The following KLHL8 variants were observed in gnomAD, a reference collection of about 807,000 sequenced individuals.
The protein encoded by KLHL8 is kelch-like protein 8.
A neutral mutation model predicts 63.5 loss-of-function variants in KLHL8; 38 were observed. The observed-to-expected ratio is 0.60, with a 90% CI of 0.46 to 0.78. The LOEUF (loss-of-function observed/expected upper bound fraction) is 0.78. Among genes scored for constraint, KLHL8 ranks in the 30% least tolerant of loss-of-function variants. The pLI is 0.00. For missense variants in KLHL8, 566 were observed against 752.4 expected, an observed-to-expected ratio of 0.75 and a Z score of 2.90; for synonymous variants, 224 against 254.3, an observed-to-expected ratio of 0.88 and a Z score of 1.13.
At chr4:87,193,983 T>C (rs750758607) in intron 2 of KLHL8, among the ~76,000 whole-genome samples, 11 of 152,226 alleles carry the variant, frequency 7.2e-5, no homozygotes, top group East Asian at 3.8e-4. Flanking sequence ...AATTTCTTAA[T>C]ATAGAATGCT....
intron 4 of KLHL8, among the ~76,000 whole-genome samples, chr4:87,180,807 C>T (rs993531218): frequency 6.6e-6 from 1 of 151,946 alleles, no homozygotes; most frequent in Non-Finnish European, 1.5e-5. Flanking sequence ...CTTTGGGAGG[C>T]TGAAGTGGGT....
chr4:87,237,937 G>A (rs1356304380), intron 1 of KLHL8, among the ~76,000 whole-genome samples: 1 of 151,728 alleles, frequency 6.6e-6, no homozygotes, highest in Non-Finnish European at 1.5e-5. Flanking sequence ...GTGTTTTAGT[G>A]TTATATCATT....
chr4:87,228,807 T>C (rs1733077300), intron 1 of KLHL8, among the ~76,000 whole-genome samples: 1 of 152,230 alleles, frequency 6.6e-6, no homozygotes, highest in Admixed American at 6.5e-5. Flanking sequence ...AACTTAAAGA[T>C]AATACTTGGA....
Position 87,161,041 on chromosome 4 carries a change from CT to C in KLHL8, c.*2477del, listed in dbSNP as rs71660119. The C allele has an allele frequency of 0.015, 1,685 of 115,030 alleles. 24 individuals carry two copies. Among genetic ancestry groups the C allele is most frequent in the African/African-American group, 0.046 (1,400 of 30,296 alleles). The allele number at this position is 115,030 out of a possible 1,614,324, so 7.1% of individuals were successfully genotyped here. A position where few individuals can be genotyped will look rare whatever the true frequency, so the allele number is the denominator to read the frequency against. ...GCACATATTGATTCTGCTTTTTTATCTTTTTTTTTTTTTTTTTTTTGAGATG... is the reference window on the plus strand; with the variant it reads ...GCACATATTGATTCTGCTTTTTTATCTTTTTTTTTTTTTTTTTTTGAGATG... On this transcript the variant is annotated 3_prime_UTR_variant, in exon 10 of 10. Coordinates refer to ENST00000273963, the MANE Select transcript of KLHL8 (RefSeq NM_020803.5).
At chr4:87,198,072 A>G (rs1305402170) in intron 1 of KLHL8, among the ~76,000 whole-genome samples, 1 of 151,082 alleles carries the variant, frequency 6.6e-6, no homozygotes, top group East Asian at 1.9e-4. Flanking sequence ...TAATCCCAGC[A>G]CTTTGGGAGA....
chr4:87,221,654 G>A (rs1266075593), upstream of KLHL8, among the ~76,000 whole-genome samples: 3 of 151,170 alleles, frequency 2.0e-5, no homozygotes, highest in Non-Finnish European at 4.4e-5. Context: ...ATGAACATTA[G>A]CACATTGATT....
At chr4:87,182,537 C>T (rs1308832904) in intron 4 of KLHL8, among the ~76,000 whole-genome samples, 1 of 152,010 alleles carries the variant, frequency 6.6e-6, no homozygotes, top group Admixed American at 6.5e-5. Context: ...CATGTATTCA[C>T]TCATGTCTCA....
At chr4:87,207,301 C>T in intron 1 of KLHL8, 1 of 596,952 alleles carries the variant, frequency 1.7e-6, no homozygotes, top group South Asian at 1.5e-5. Flanking sequence ...CAGTGGAAAT[C>T]CCATTACCAT....
chr4:87,214,390 T>A (rs934091973), intron 1 of KLHL8, among the ~76,000 whole-genome samples: 1 of 123,250 alleles, frequency 8.1e-6, no homozygotes. Context: ...AAAACTTAAA[T>A]GAGTTAACAA....
intron 8 of KLHL8, chr4:87,167,344 A>G: frequency 2.3e-6 from 1 of 437,262 alleles, no homozygotes; most frequent in Non-Finnish European, 4.4e-6. Context: ...TTTGGAAAAC[A>G]TTTATAAAGA....
In KLHL8 at chr4:87,210,802, T is replaced by C. The variant is rs76017845; in HGVS notation, c.-152+9616A>G. Among the ~76,000 whole-genome samples, 35 of 152,312 alleles carry C rather than the reference T, an allele frequency of 2.3e-4. No homozygotes were observed. In the East Asian group the frequency reaches 6.4e-3, roughly 28 times the overall value. ...AATGCCCTTTACCACCCCTCTCTCC[T>C]GCTAACTCTTGCTCATCTTCTAAGA... On this transcript the variant is annotated intron_variant, in intron 1 of 9. Transcript: ENST00000273963.
intron 1 of KLHL8, among the ~76,000 whole-genome samples, chr4:87,230,598 C>T (rs1185829697): frequency 6.6e-6 from 1 of 152,218 alleles, no homozygotes; most frequent in Non-Finnish European, 1.5e-5. Flanking sequence ...ATCTGTATCA[C>T]TCACACTGAC....
rs1423798029 is a variant in KLHL8 at position 87,185,245 on chromosome 4, T to C, written c.765+6A>G. On this transcript the variant is annotated splice_donor_region_variant and intron_variant, in intron 3 of 9. Coordinates refer to ENST00000273963, the MANE Select transcript of KLHL8 (RefSeq NM_020803.5). ...TTTCTGTGTGAAATCTTATTTCAGCTCCTACCTGTGCAAGTGTTTCATCCA... is the reference window on the plus strand; with the variant it reads ...TTTCTGTGTGAAATCTTATTTCAGCCCCTACCTGTGCAAGTGTTTCATCCA... 1 of 1,601,860 alleles carries C rather than the reference T, an allele frequency of 6.2e-7. No individual in the cohort carries two copies.
At chr4:87,198,336 A>G (rs190900830) in intron 1 of KLHL8, among the ~76,000 whole-genome samples, 1 of 152,160 alleles carries the variant, frequency 6.6e-6, no homozygotes, top group African/African-American at 2.4e-5. Flanking sequence ...TAAAATAAGA[A>G]AAAACACTTG....
At chr4:87,229,341 C>T (rs35133616) in intron 1 of KLHL8, among the ~76,000 whole-genome samples, 2 of 152,000 alleles carry the variant, frequency 1.3e-5, no homozygotes, top group East Asian at 3.9e-4. Context: ...GGACATTGAC[C>T]AGCAGCCATT....
At chr4:87,174,867 C>A (rs1312920875) in intron 6 of KLHL8, among the ~76,000 whole-genome samples, 1 of 152,196 alleles carries the variant, frequency 6.6e-6, no homozygotes, top group Non-Finnish European at 1.5e-5. Flanking sequence ...TTACAGTATG[C>A]TTCATTGCTA....
chr4:87,230,484 A>C (rs144702252), intron 1 of KLHL8, among the ~76,000 whole-genome samples: 1 of 152,184 alleles, frequency 6.6e-6, no homozygotes, highest in Non-Finnish European at 1.5e-5. Context: ...TATCACCTAG[A>C]TCACCTCATT....
chr4:87,194,964 A>G (rs571563332), intron 2 of KLHL8, among the ~76,000 whole-genome samples: 1 of 152,322 alleles, frequency 6.6e-6, no homozygotes, highest in Admixed American at 6.5e-5. Flanking sequence ...TTCTGTATTC[A>G]GAGTAAGCAA....
In KLHL8 at chr4:87,176,759, C is replaced by CT; in HGVS notation, c.1205dup (p.Arg403GlufsTer21). Reference sequence around the variant, plus strand: ...AATAACTTTCCATGCTGATCTACCTCTTTGTGTTCATTGATGCCTTCATCA... The same window carrying CT: ...AATAACTTTCCATGCTGATCTACCTCTTTTGTGTTCATTGATGCCTTCATCA... On this transcript the variant is annotated frameshift_variant, in exon 6 of 10. Transcript: ENST00000273963. LOFTEE classifies it high-confidence loss of function. 2 of 1,518,442 alleles carry CT rather than the reference C, an allele frequency of 1.3e-6. No individual in the cohort carries two copies. Among genetic ancestry groups the CT allele is most frequent in the Non-Finnish European group, 1.8e-6 (2 of 1,099,648 alleles). 94.1% of individuals were successfully genotyped at this position (1,518,442 alleles called of 1,614,324 possible). A position where few individuals can be genotyped will look rare whatever the true frequency, so the allele number is the denominator to read the frequency against.
Sources: allele counts gnomAD v4.1 joint callset (sites outside exome capture counted in the v4.1 genomes callset), GRCh38; gene constraint gnomAD v4.1.1; transcripts MANE v1.5; gene names NCBI Gene and HGNC (gene_info 2026-07-23, HGNC 2026-07-21).